The following LAMP3 variants were observed in gnomAD, a reference collection of about 807,000 sequenced individuals.
LAMP3 encodes lysosome-associated membrane glycoprotein 3.
In LAMP3, 26 loss-of-function variants were observed where a neutral mutation model predicts 34.8. The ratio of observed to expected loss-of-function variants is 0.75; its 90% CI spans 0.55 to 1.04. The LOEUF (loss-of-function observed/expected upper bound fraction) is 1.04. LAMP3 is among the 50% of genes least tolerant of loss of function. The pLI, the probability that LAMP3 is intolerant of heterozygous loss-of-function variation, is 0.00. For missense variants in LAMP3, 495 were observed against 524.0 expected, an observed-to-expected ratio of 0.94 and a Z score of 0.54; for synonymous variants, 180 against 201.9, an observed-to-expected ratio of 0.89 and a Z score of 0.92.
chr3:183,157,949 G>T (rs1720869054), intron 1 of LAMP3, among the ~76,000 whole-genome samples: 2 of 152,186 alleles, frequency 1.3e-5, no homozygotes, highest in Admixed American at 6.5e-5. Context: ...GATGGCAGTT[G>T]AGATGTCTTG....
chr3:183,123,491 G>A lies in LAMP3; in HGVS notation c.*590C>T, dbSNP rs994124225. ...GGAGAATCACTTGAACCCGGGAGGC[G>A]GAGGTTGCCATAAGCCGAGATCGTG... On this transcript the variant is annotated 3_prime_UTR_variant, in exon 6 of 6. Transcript: ENST00000265598. The A allele has an allele frequency of 3.9e-5, 6 of 152,566 alleles. No homozygotes were observed. Among genetic ancestry groups the A allele is most frequent in the African/African-American group, 7.2e-5 (3 of 41,406 alleles). The allele number at this position is 152,566 out of a possible 1,614,324, so 9.5% of individuals were successfully genotyped here. A position where few individuals can be genotyped will look rare whatever the true frequency, so the allele number is the denominator to read the frequency against.
intron 5 of LAMP3, among the ~76,000 whole-genome samples, chr3:183,134,366 T>C (rs1036056466): frequency 6.6e-6 from 1 of 152,184 alleles, no homozygotes; most frequent in African/African-American, 2.4e-5. Flanking sequence ...TGCATCCCTG[T>C]GAACACTGGC....
intron 3 of LAMP3, among the ~76,000 whole-genome samples, chr3:183,147,413 C>G (rs185771001): frequency 2.0e-5 from 3 of 150,700 alleles, no homozygotes; most frequent in Non-Finnish European, 4.4e-5. Context: ...GAGATGAGCA[C>G]TCTCCTGTCC....
At chr3:183,154,454 CA>C in intron 1 of LAMP3, 63 bp from the exon 2 acceptor site, 1 of 1,253,414 alleles carries the variant, frequency 8.0e-7, no homozygotes, top group Non-Finnish European at 1.1e-6. Flanking sequence ...TTCCCTCTCC[CA>C]TCCCCATCTT....
chr3:183,152,286 G>T, intron 3 of LAMP3, 89 bp downstream of exon 3: 1 of 1,349,462 alleles, frequency 7.4e-7, no homozygotes, highest in South Asian at 1.5e-5. Context: ...ATCTCAAACT[G>T]AAGTGTGGGG....
At chr3:183,126,380 T>C (rs944170619) in intron 5 of LAMP3, among the ~76,000 whole-genome samples, 1 of 152,068 alleles carries the variant, frequency 6.6e-6, no homozygotes, top group African/African-American at 2.4e-5. Flanking sequence ...ACTTTTACTC[T>C]CTCTTGTTAA....
intron 1 of LAMP3, among the ~76,000 whole-genome samples, chr3:183,159,894 C>G (rs1172283116): frequency 1.3e-5 from 2 of 152,162 alleles, no homozygotes; most frequent in African/African-American, 4.8e-5. Context: ...CTTTCTACAG[C>G]CCTTCTGTTT....
chr3:183,138,728 T>G (rs1371121400), intron 4 of LAMP3, among the ~76,000 whole-genome samples: 1 of 152,182 alleles, frequency 6.6e-6, no homozygotes, highest in Non-Finnish European at 1.5e-5. Flanking sequence ...GACCCCTCGG[T>G]GGCATCCTTT....
intron 3 of LAMP3, among the ~76,000 whole-genome samples, chr3:183,145,008 T>G (rs1720398107): frequency 6.6e-6 from 1 of 152,158 alleles, no homozygotes; most frequent in Admixed American, 6.5e-5. Context: ...CTCTCCTCTC[T>G]TGATGGTTGA....
chr3:183,143,148 G>T, intron 3 of LAMP3, among the ~76,000 whole-genome samples: 1 of 152,020 alleles, frequency 6.6e-6, no homozygotes, highest in East Asian at 1.9e-4. Context: ...TCCCTCTGTC[G>T]CCCAGGCTGG....
chr3:183,142,569 G>C (rs1199226914), intron 3 of LAMP3, among the ~76,000 whole-genome samples: 1 of 151,816 alleles, frequency 6.6e-6, no homozygotes, highest in African/African-American at 2.4e-5. Context: ...TGAGAACAAA[G>C]AGGCTCAGAA....
chr3:183,142,646 T>A (rs1032502163), intron 3 of LAMP3, among the ~76,000 whole-genome samples: 9 of 152,104 alleles, frequency 5.9e-5, no homozygotes, highest in Non-Finnish European at 1.2e-4. Context: ...TGCCCTACAT[T>A]TTCCTCCATG....
chr3:183,153,057 C>G (rs1448714485), intron 2 of LAMP3, among the ~76,000 whole-genome samples: 1 of 151,780 alleles, frequency 6.6e-6, no homozygotes, highest in Non-Finnish European at 1.5e-5. Context: ...TGCCTGTAAT[C>G]CCAGCTACTC....
At chr3:183,135,634 G>A (rs750672597) in intron 5 of LAMP3, 83 bp downstream of exon 5, 27 of 1,283,852 alleles carry the variant, frequency 2.1e-5, no homozygotes, top group East Asian at 4.7e-5. Context: ...TTGCTCCTTC[G>A]ACAGCTGCAG....
chr3:183,159,639 G>T (rs1384995573), intron 1 of LAMP3, among the ~76,000 whole-genome samples: 1 of 152,208 alleles, frequency 6.6e-6, no homozygotes, highest in East Asian at 1.9e-4. Context: ...AGAGCAGAAG[G>T]GCCACTATCC....
intron 3 of LAMP3, among the ~76,000 whole-genome samples, chr3:183,144,805 T>A (rs1195719669): frequency 6.6e-6 from 1 of 152,172 alleles, no homozygotes; most frequent in East Asian, 1.9e-4. Flanking sequence ...CTCAGGAGAC[T>A]GAGAGGTGGA....
intron 1 of LAMP3, among the ~76,000 whole-genome samples, chr3:183,157,343 A>G (rs1402280584): frequency 6.6e-6 from 1 of 152,220 alleles, no homozygotes; most frequent in East Asian, 1.9e-4. Flanking sequence ...AAATCCCTGC[A>G]CGTAGAACTT....
intron 5 of LAMP3, chr3:183,132,191 T>C (rs1719945471): frequency 3.0e-6 from 3 of 985,298 alleles, no homozygotes; most frequent in Admixed American, 1.2e-4. Context: ...TTTTTTGCCA[T>C]GATCTTTGAT....
chr3:183,154,983 C>T lies in LAMP3; in HGVS notation c.50-592G>A, dbSNP rs541939191. Among the ~76,000 whole-genome samples, 70 of 152,234 alleles carry T rather than the reference C, an allele frequency of 4.6e-4. No individual in the cohort carries two copies. The Middle Eastern group carries it at 0.01, about 22-fold the overall frequency. The stretch of plus-strand genomic sequence containing the variant: ...AGGCTGGAGTACAGTGGCACAATCT[C>T]GGCTCACTGCAACCTCTGCCTCCTG... On this transcript the variant is annotated intron_variant, in intron 1 of 5. Coordinates refer to ENST00000265598, the MANE Select transcript of LAMP3 (RefSeq NM_014398.4).
Sources: allele counts gnomAD v4.1 joint callset (sites outside exome capture counted in the v4.1 genomes callset), GRCh38; gene constraint gnomAD v4.1.1; transcripts MANE v1.5; gene names NCBI Gene and HGNC (gene_info 2026-07-23, HGNC 2026-07-21).